The following RHBDL3 variants were observed in gnomAD, a reference collection of about 807,000 sequenced individuals.
The protein encoded by RHBDL3 is rhomboid like 3.
A neutral mutation model predicts 48.2 loss-of-function variants in RHBDL3; 28 were observed. That is an observed-to-expected ratio of 0.58 (90% CI 0.43 to 0.80). RHBDL3 has a LOEUF of 0.80. Ranked by LOEUF, RHBDL3 falls within the 30% of genes least tolerant of loss-of-function variation. The pLI is 0.00. For synonymous variants in RHBDL3, 208 were observed against 232.3 expected (o/e 0.90, Z 0.95); for missense variants, 464 against 542.7 (o/e 0.85, Z 1.44).
chr17:32,310,987 G>A (rs575352453), intron 7 of RHBDL3, among the ~76,000 whole-genome samples: 1 of 151,588 alleles, frequency 6.6e-6, no homozygotes, highest in Non-Finnish European at 1.5e-5. Context: ...CACATTCCCT[G>A]TGTTGGGTTT....
chr17:32,311,216 TTTGTATTCC>T (rs1422772026), intron 7 of RHBDL3, among the ~76,000 whole-genome samples: 1 of 152,164 alleles, frequency 6.6e-6, no homozygotes, highest in African/African-American at 2.4e-5. Flanking sequence ...CTGCAAAAGG[TTTGTATTCC>T]CCAAAGATCT....
intron 3 of RHBDL3, among the ~76,000 whole-genome samples, chr17:32,287,764 A>G (rs1264356928): frequency 6.6e-6 from 1 of 152,194 alleles, no homozygotes; most frequent in Non-Finnish European, 1.5e-5. Flanking sequence ...TCCCCACACC[A>G]GCAAACATAG....
At chr17:32,275,904 G>T (rs955933077) in intron 2 of RHBDL3, among the ~76,000 whole-genome samples, 7 of 152,102 alleles carry the variant, frequency 4.6e-5, no homozygotes, top group Non-Finnish European at 1.0e-4. Flanking sequence ...GGGGAGTAGG[G>T]GTCACAAGGG....
At chr17:32,269,212 G>A (rs1490990533) in intron 2 of RHBDL3, among the ~76,000 whole-genome samples, 1 of 152,180 alleles carries the variant, frequency 6.6e-6, no homozygotes, top group Admixed American at 6.5e-5. Flanking sequence ...GCCAGGCATG[G>A]TAGCACACTC....
At chr17:32,282,399 A>G (rs1478619587) in intron 2 of RHBDL3, among the ~76,000 whole-genome samples, 1 of 152,110 alleles carries the variant, frequency 6.6e-6, no homozygotes, top group Non-Finnish European at 1.5e-5. Context: ...AGAGCCCATC[A>G]CTACAAAAAA....
chr17:32,284,795 G>T lies in RHBDL3; in HGVS notation c.272G>T (p.Gly91Val). The change falls in exon 3 of 9, where the codon GGC becomes GTC. Residue 91 changes from glycine to valine, a missense_variant. Transcript: ENST00000269051. ...LADSHADGQI[G>V]YQDFVSLMSN... ...GACAGCCACGCGGATGGGCAGATCG[G>T]CTACCAGGATTTTGTCAGCCTAGTG... 1.9e-6 allele frequency: 3 copies of T among 1,613,940 alleles called. No homozygotes were observed. Among genetic ancestry groups the T allele is most frequent in the Non-Finnish European group, 2.5e-6 (3 of 1,179,996 alleles).
chr17:32,283,331 T>C (rs1319484699), intron 2 of RHBDL3, among the ~76,000 whole-genome samples: 1 of 143,774 alleles, frequency 7.0e-6, no homozygotes, highest in African/African-American at 2.6e-5. Flanking sequence ...TTTTTTTTTT[T>C]TTTTTTTTGA....
chr17:32,274,881 T>C (rs2039859660), intron 2 of RHBDL3, among the ~76,000 whole-genome samples: 1 of 152,118 alleles, frequency 6.6e-6, no homozygotes, highest in African/African-American at 2.4e-5. Context: ...TGCATGTGTG[T>C]GTGTGTGCAC....
intron 7 of RHBDL3, among the ~76,000 whole-genome samples, chr17:32,314,585 TTCCCAGGGC>T (rs1254809979): frequency 1.3e-5 from 2 of 152,124 alleles, no homozygotes; most frequent in African/African-American, 4.8e-5. Flanking sequence ...GTGAGAGCCC[TTCCCAGGGC>T]TCCCAGGGAG....
At chr17:32,278,950 G>A in intron 2 of RHBDL3, among the ~76,000 whole-genome samples, 1 of 152,074 alleles carries the variant, frequency 6.6e-6, no homozygotes, top group Non-Finnish European at 1.5e-5. Flanking sequence ...AACATAGCAA[G>A]ACCCTGTCTC....
rs771115398 is a variant in RHBDL3 at position 32,321,277 on chromosome 17, A to C, written c.*48A>C. 1.2e-6 allele frequency: 2 copies of C among 1,612,432 alleles called. No individual in the cohort carries two copies. Among genetic ancestry groups the C allele is most frequent in the Non-Finnish European group, 1.7e-6 (2 of 1,179,698 alleles). On this transcript the variant is annotated 3_prime_UTR_variant, in exon 9 of 9. Coordinates refer to ENST00000269051, the MANE Select transcript of RHBDL3 (RefSeq NM_138328.3). ...GAGGGGAGGGAAAAGCAGCACCCACAGGGAGCGCCTGCGAGGTTTCTTCTC... is the reference window on the plus strand; with the variant it reads ...GAGGGGAGGGAAAAGCAGCACCCACCGGGAGCGCCTGCGAGGTTTCTTCTC...
chr17:32,274,230 G>A (rs187271169), intron 2 of RHBDL3, among the ~76,000 whole-genome samples: 9 of 152,334 alleles, frequency 5.9e-5, no homozygotes, highest in East Asian at 1.9e-4. Flanking sequence ...GAGACGAGGC[G>A]TCTGGCCATC....
intron 6 of RHBDL3, among the ~76,000 whole-genome samples, chr17:32,303,386 C>G (rs766518043): frequency 3.9e-5 from 6 of 152,184 alleles, no homozygotes; most frequent in Non-Finnish European, 8.8e-5. Context: ...ATGCAGCCTT[C>G]GAAGACAGCC....
intron 5 of RHBDL3, among the ~76,000 whole-genome samples, chr17:32,297,141 A>G (rs1262417622): frequency 6.6e-6 from 1 of 150,498 alleles, no homozygotes; most frequent in Non-Finnish European, 1.5e-5. Flanking sequence ...ATGAGCCACC[A>G]CGCCTGGCTA....
In RHBDL3 at chr17:32,309,813, T is replaced by C. The variant is rs1476455520; in HGVS notation, c.882+4372T>C. 1.3e-4 allele frequency among the ~76,000 whole-genome samples: 19 copies of C among 143,448 alleles called. No individual in the cohort carries two copies. The East Asian group carries it at 4.3e-3, about 32-fold the overall frequency. 94.1% of individuals were successfully genotyped at this position (143,448 alleles called of 152,430 possible). On this transcript the variant is annotated intron_variant, in intron 7 of 8. Transcript: ENST00000269051. ...TTTTTTTTTTGAGACAGGGTTTCGC[T>C]GTGTCACCCAGGCTGGAGTGCAATG...
chr17:32,321,011 C>G lies in RHBDL3; in HGVS notation c.997C>G (p.Pro333Ala). The change falls in exon 9 of 9, where the codon CCC becomes GCC. Residue 333 changes from proline (P) to alanine (A), a missense_variant. By Grantham distance (27) the Pro-to-Ala change is conservative. Coordinates refer to ENST00000269051, the MANE Select transcript of RHBDL3 (RefSeq NM_138328.3). ...GCTCCGCTTCCACCCGTCGGCCTAT[C>G]CCCCGTGCCCTCACCCAAGCTTTGT... Reference protein sequence around the residue: ...VWLRFHPSAYPPCPHPSFVAH... With the variant: ...VWLRFHPSAYAPCPHPSFVAH... 2.5e-6 allele frequency: 4 copies of G among 1,614,098 alleles called. No individual in the cohort carries two copies. Among genetic ancestry groups the G allele is most frequent in the Non-Finnish European group, 3.4e-6 (4 of 1,179,996 alleles).
intron 7 of RHBDL3, among the ~76,000 whole-genome samples, chr17:32,310,069 C>A (rs1239639197): frequency 2.0e-5 from 3 of 152,014 alleles, no homozygotes; most frequent in Admixed American, 1.3e-4. Context: ...ATTTTAAACA[C>A]TAGAAATATA....
At chr17:32,278,982 G>A (rs747286568) in intron 2 of RHBDL3, among the ~76,000 whole-genome samples, 1 of 151,744 alleles carries the variant, frequency 6.6e-6, no homozygotes, top group Non-Finnish European at 1.5e-5. Context: ...TTAAAAATTA[G>A]CCAGGTATGG....
At chr17:32,319,591 G>A (rs2041066514) in intron 8 of RHBDL3, among the ~76,000 whole-genome samples, 2 of 152,174 alleles carry the variant, frequency 1.3e-5, no homozygotes. Context: ...AGGGCGGAGG[G>A]TCAGTCCCTG....
Sources: gnomAD v4.1 joint callset for allele counts (sites outside exome capture counted in the v4.1 genomes callset) on GRCh38, gnomAD v4.1.1 for gene constraint, MANE v1.5 for transcripts, NCBI Gene and HGNC (gene_info 2026-07-23, HGNC 2026-07-21) for gene names.